Variants in ARHGAP15 observed in about 807,000 individuals in gnomAD.
The protein encoded by ARHGAP15 is Rho GTPase activating protein 15.
ARHGAP15 carries 51 observed loss-of-function variants against 63.7 expected under a neutral mutation model. The observed-to-expected ratio is 0.80, with a 90% CI of 0.64 to 1.01. The LOEUF (loss-of-function observed/expected upper bound fraction) is 1.01. ARHGAP15 is among the 50% of genes least tolerant of loss of function. The pLI, the probability that ARHGAP15 is intolerant of heterozygous loss-of-function variation, is 0.00. For missense variants in ARHGAP15, 560 were observed against 564.6 expected, an observed-to-expected ratio of 0.99 and a Z score of 0.08; for synonymous variants, 191 against 193.8, an observed-to-expected ratio of 0.99 and a Z score of 0.12.
chr2:143,726,924 T>C (rs10189240), intron 13 of ARHGAP15, among the ~76,000 whole-genome samples: 44,580 of 152,102 alleles, frequency 0.29, 7,322 homozygotes, highest in Non-Finnish European at 0.38. Context: ...AAGGCAAACC[T>C]GGATAGCACA....
At chr2:143,483,496 CTT>C (rs1692173381) in intron 8 of ARHGAP15, among the ~76,000 whole-genome samples, 1 of 152,132 alleles carries the variant, frequency 6.6e-6, no homozygotes, top group Non-Finnish European at 1.5e-5. Flanking sequence ...CCTGTGAAAA[CTT>C]AGATTGATTA....
chr2:143,133,012 TAAG>T (rs1177858469), intron 1 of ARHGAP15, among the ~76,000 whole-genome samples: 1 of 152,184 alleles, frequency 6.6e-6, no homozygotes, highest in African/African-American at 2.4e-5. Context: ...TCAAGTACCA[TAAG>T]AAGATACAGA....
intron 13 of ARHGAP15, among the ~76,000 whole-genome samples, chr2:143,736,116 C>T (rs1360526627): frequency 2.6e-5 from 4 of 152,114 alleles, no homozygotes; most frequent in African/African-American, 4.8e-5. Context: ...CAGTGGCTCA[C>T]GTCTGTAATC....
At chr2:143,720,039 A>T (rs942618057) in intron 13 of ARHGAP15, among the ~76,000 whole-genome samples, 13 of 152,170 alleles carry the variant, frequency 8.5e-5, no homozygotes, top group Admixed American at 7.9e-4. Context: ...GTCATGTACG[A>T]GAAATTTCTG....
chr2:143,677,793 A>G (rs1026667911), intron 12 of ARHGAP15, among the ~76,000 whole-genome samples: 4 of 152,228 alleles, frequency 2.6e-5, no homozygotes, highest in African/African-American at 9.6e-5. Context: ...GATACATAAT[A>G]TGTAGTACCT....
chr2:143,245,746 G>T (rs2104960983), intron 5 of ARHGAP15, among the ~76,000 whole-genome samples: 1 of 152,290 alleles, frequency 6.6e-6, no homozygotes, highest in East Asian at 1.9e-4. Flanking sequence ...TGAGGGACAA[G>T]ACTGGATGAA....
At chr2:143,539,532 C>T (rs1048368559) in intron 10 of ARHGAP15, among the ~76,000 whole-genome samples, 3 of 151,966 alleles carry the variant, frequency 2.0e-5, no homozygotes, top group African/African-American at 7.3e-5. Flanking sequence ...TGTAAATTTC[C>T]CCCTACGCAC....
At chr2:143,596,132 A>T (rs1213722155) in intron 11 of ARHGAP15, among the ~76,000 whole-genome samples, 1 of 152,092 alleles carries the variant, frequency 6.6e-6, no homozygotes, top group Non-Finnish European at 1.5e-5. Context: ...TAGGAATTGA[A>T]ATGAAGACCT....
intron 1 of ARHGAP15, among the ~76,000 whole-genome samples, chr2:143,132,671 C>G (rs1273564035): frequency 1.3e-5 from 2 of 152,200 alleles, no homozygotes; most frequent in Non-Finnish European, 2.9e-5. Context: ...CACTTGGGCT[C>G]TCTGCTAAAA....
At chr2:143,193,744 T>C (rs914187180) in intron 2 of ARHGAP15, among the ~76,000 whole-genome samples, 8 of 152,200 alleles carry the variant, frequency 5.3e-5, no homozygotes, top group Admixed American at 4.6e-4. Flanking sequence ...TTTCCACCTT[T>C]GCATTAAGAA....
chr2:143,248,912 G>T (rs1004515581), intron 5 of ARHGAP15, among the ~76,000 whole-genome samples: 4 of 152,146 alleles, frequency 2.6e-5, no homozygotes, highest in Admixed American at 2.0e-4. Flanking sequence ...TGACTTGACT[G>T]TATGGGAAAA....
intron 9 of ARHGAP15, among the ~76,000 whole-genome samples, chr2:143,487,752 G>T (rs1692391941): frequency 6.6e-6 from 1 of 152,176 alleles, no homozygotes; most frequent in Non-Finnish European, 1.5e-5. Context: ...ACTAGGAACA[G>T]AGAAAGGATA....
chr2:143,336,560 G>T (rs1038895665), intron 6 of ARHGAP15, among the ~76,000 whole-genome samples: 1 of 88,636 alleles, frequency 1.1e-5, no homozygotes, highest in Non-Finnish European at 2.8e-5. Context: ...TTTGCCCATG[G>T]ATTCTGCAGT....
intron 8 of ARHGAP15, among the ~76,000 whole-genome samples, chr2:143,468,659 A>AGTGTGTGT (rs778518753): frequency 2.3e-4 from 25 of 109,860 alleles, no homozygotes; most frequent in Middle Eastern, 9.7e-3. Flanking sequence ...AGAGAGAGAG[A>AGTGTGTGT]GAGAGTGTGT....
At chr2:143,427,492 T>C (rs1689185278) in intron 6 of ARHGAP15, among the ~76,000 whole-genome samples, 1 of 152,042 alleles carries the variant, frequency 6.6e-6, no homozygotes, top group South Asian at 2.1e-4. Context: ...TTTGAACTTA[T>C]GTTCCAGTTC....
chr2:143,231,069 C>CTTTTTTTTTTTTTT (rs914904536), intron 5 of ARHGAP15, among the ~76,000 whole-genome samples: 23 of 125,408 alleles, frequency 1.8e-4, no homozygotes, highest in East Asian at 6.8e-4. Context: ...GATGTAATTC[C>CTTTTTTTTTTTTTT]TTTTTTTTTT....
intron 5 of ARHGAP15, among the ~76,000 whole-genome samples, chr2:143,249,856 T>C (rs1251045028): frequency 5.9e-5 from 9 of 152,142 alleles, no homozygotes. Context: ...AAGTTAAATT[T>C]ACCAAATGAA....
intron 6 of ARHGAP15, among the ~76,000 whole-genome samples, chr2:143,328,255 T>C (rs1000519606): frequency 2.0e-5 from 3 of 152,106 alleles, no homozygotes; most frequent in Admixed American, 6.6e-5. Flanking sequence ...ATATACCCAA[T>C]TAATTATAAA....
chr2:143,738,738 G>A (rs1030054180), intron 13 of ARHGAP15, among the ~76,000 whole-genome samples: 1 of 152,028 alleles, frequency 6.6e-6, no homozygotes, highest in Admixed American at 6.5e-5. Context: ...TCTAAAATCC[G>A]CAAATCACAT....
Sources: allele counts gnomAD v4.1 joint callset (sites outside exome capture counted in the v4.1 genomes callset), GRCh38; gene constraint gnomAD v4.1.1; transcripts MANE v1.5; gene names NCBI Gene and HGNC (gene_info 2026-07-23, HGNC 2026-07-21).